ATF6: variants seen among roughly 807,000 people sequenced by gnomAD.
The protein encoded by ATF6 is activating transcription factor 6, also known as cyclic AMP-dependent transcription factor ATF-6 alpha.
A neutral mutation model predicts 83.6 loss-of-function variants in ATF6; 53 were observed. That is an observed-to-expected ratio of 0.63 (90% confidence interval 0.51 to 0.80). The LOEUF is 0.80. ATF6 is among the 30% of genes least tolerant of loss of function. The pLI is 0.00. For synonymous variants in ATF6, 288 were observed against 285.8 expected (o/e 1.01, Z -0.08); for missense variants, 744 against 797.9 (o/e 0.93, Z 0.81).
rs562627064 is a variant in ATF6 at position 161,932,216 on chromosome 1, A to G, written c.1804+19836A>G. Reference sequence around the variant, plus strand: ...ATGACAATGCAAGTTATTTTTTTTGACCAACTTTCACATTTTATGTGGGGT... The same window carrying G: ...ATGACAATGCAAGTTATTTTTTTTGGCCAACTTTCACATTTTATGTGGGGT... On this transcript the variant is annotated intron_variant, in intron 15 of 15. Coordinates refer to ENST00000367942, the MANE Select transcript of ATF6 (RefSeq NM_007348.4). Among the ~76,000 whole-genome samples, 7 of 152,222 alleles carry G rather than the reference A, an allele frequency of 4.6e-5. No homozygotes were observed. The South Asian group carries it at 1.4e-3, about 32-fold the overall frequency.
At chr1:161,791,981 C>T in intron 5 of ATF6, 143 bp from the exon 6 acceptor site, 1 of 756,328 alleles carries the variant, frequency 1.3e-6, no homozygotes, top group East Asian at 2.5e-5. Context: ...GGTATATGTA[C>T]TGTAGCTATG....
intron 14 of ATF6, among the ~76,000 whole-genome samples, chr1:161,879,768 T>G (rs1263893779): frequency 1.3e-5 from 2 of 152,140 alleles, no homozygotes; most frequent in Non-Finnish European, 2.9e-5. Context: ...TTTCTTTTTT[T>G]TTTAACACTT....
At chr1:161,804,512 C>T (rs898340435) in intron 7 of ATF6, among the ~76,000 whole-genome samples, 1 of 152,012 alleles carries the variant, frequency 6.6e-6, no homozygotes, top group Non-Finnish European at 1.5e-5. Context: ...ACCTGGGAGC[C>T]ATCTTCCAGG....
At chr1:161,948,501 C>T (rs945417634) in intron 15 of ATF6, among the ~76,000 whole-genome samples, 1 of 152,104 alleles carries the variant, frequency 6.6e-6, no homozygotes. Context: ...CTGCATTAGT[C>T]TCTTAAGCAA....
intron 15 of ATF6, among the ~76,000 whole-genome samples, chr1:161,957,215 T>A (rs1228744815): frequency 6.6e-6 from 1 of 152,150 alleles, no homozygotes; most frequent in East Asian, 1.9e-4. Context: ...TACGTTTAAA[T>A]TCAATTCTTT....
chr1:161,943,204 G>T (rs1688685706), intron 15 of ATF6, among the ~76,000 whole-genome samples: 1 of 152,160 alleles, frequency 6.6e-6, no homozygotes, highest in East Asian at 1.9e-4. Context: ...TTGAGACCAG[G>T]TGGAGGTAAT....
chr1:161,792,943 C>A (rs1479794592), intron 6 of ATF6, among the ~76,000 whole-genome samples: 4 of 152,152 alleles, frequency 2.6e-5, no homozygotes, highest in African/African-American at 9.7e-5. Flanking sequence ...ATATGGGAGT[C>A]ATTTCCGTAT....
At chr1:161,935,302 A>G (rs1400020873) in intron 15 of ATF6, among the ~76,000 whole-genome samples, 1 of 152,188 alleles carries the variant, frequency 6.6e-6, no homozygotes, top group African/African-American at 2.4e-5. Flanking sequence ...TCCCTACCAT[A>G]CTGTGATATG....
intron 14 of ATF6, among the ~76,000 whole-genome samples, chr1:161,865,476 A>G (rs1365635682): frequency 6.6e-6 from 1 of 152,172 alleles, no homozygotes; most frequent in Admixed American, 6.5e-5. Flanking sequence ...CTTTAAACAG[A>G]CTGTATTTTT....
chr1:161,937,739 G>A (rs573470748), intron 15 of ATF6, among the ~76,000 whole-genome samples: 1 of 151,820 alleles, frequency 6.6e-6, no homozygotes, highest in African/African-American at 2.4e-5. Flanking sequence ...GGGGCCTTTC[G>A]GGGGGTGGGG....
chr1:161,799,806 T>C (rs550101068), intron 6 of ATF6, among the ~76,000 whole-genome samples: 3 of 152,336 alleles, frequency 2.0e-5, no homozygotes, highest in South Asian at 4.1e-4. Context: ...TTATAAGTTA[T>C]CTTTTTTAGC....
chr1:161,920,608 GTTTGT>G (rs1325279181), intron 15 of ATF6, among the ~76,000 whole-genome samples: 4 of 151,680 alleles, frequency 2.6e-5, no homozygotes, highest in Non-Finnish European at 4.4e-5. Context: ...GTTGTTTTTT[GTTTGT>G]TTTATTATAT....
chr1:161,870,067 T>C (rs1687088751), intron 14 of ATF6, among the ~76,000 whole-genome samples: 1 of 151,722 alleles, frequency 6.6e-6, no homozygotes, highest in African/African-American at 2.4e-5. Context: ...TCTTTATATC[T>C]GGCACTTTTA....
intron 9 of ATF6, chr1:161,840,287 T>G (rs1176986920): frequency 6.6e-6 from 1 of 152,246 alleles, no homozygotes; most frequent in Non-Finnish European, 1.5e-5. Flanking sequence ...CCAGATCTCC[T>G]GTCTCCAAAT....
At chr1:161,809,452 AT>A (rs1213924983) in intron 7 of ATF6, among the ~76,000 whole-genome samples, 1 of 152,200 alleles carries the variant, frequency 6.6e-6, no homozygotes, top group Non-Finnish European at 1.5e-5. Flanking sequence ...ATTCATGGAC[AT>A]TTGGGTTGGT....
intron 14 of ATF6, among the ~76,000 whole-genome samples, chr1:161,911,465 C>G (rs12040518): frequency 0.14 from 21,838 of 152,176 alleles, 2,150 homozygotes; most frequent in East Asian, 0.33. Context: ...CTTCTCTTGG[C>G]TTATTCTTAC....
chr1:161,868,507 G>A (rs1687058174), intron 14 of ATF6, among the ~76,000 whole-genome samples: 1 of 151,962 alleles, frequency 6.6e-6, no homozygotes, highest in Admixed American at 6.6e-5. Context: ...CCTTTTGAAG[G>A]CAGGAAATAT....
chr1:161,920,438 G>T (rs1443876025), intron 15 of ATF6, among the ~76,000 whole-genome samples: 1 of 151,426 alleles, frequency 6.6e-6, no homozygotes, highest in Non-Finnish European at 1.5e-5. Context: ...GGGACTACAG[G>T]TGCCCGCCAC....
intron 1 of ATF6, among the ~76,000 whole-genome samples, chr1:161,774,497 G>C (rs1684471618): frequency 1.3e-5 from 2 of 151,904 alleles, no homozygotes; most frequent in African/African-American, 4.8e-5. Context: ...CTATAGAAAA[G>C]TTTTAAGAAC....
Sources: gnomAD v4.1 joint callset for allele counts (sites outside exome capture counted in the v4.1 genomes callset) on GRCh38, gnomAD v4.1.1 for gene constraint, MANE v1.5 for transcripts, NCBI Gene and HGNC (gene_info 2026-07-23, HGNC 2026-07-21) for gene names.